MAST4: variants seen among roughly 807,000 people sequenced by gnomAD.
MAST4 encodes the protein microtubule-associated serine/threonine-protein kinase 4.
In MAST4, 89 loss-of-function variants were observed where a neutral mutation model predicts 162.7. The ratio of observed to expected loss-of-function variants is 0.55; its 90% CI spans 0.46 to 0.65. The LOEUF (loss-of-function observed/expected upper bound fraction) is 0.65. Ranked by LOEUF, MAST4 falls within the 30% of genes least tolerant of loss-of-function variation. The probability of loss-of-function intolerance (pLI) is 0.00; values close to 1 mark genes in which losing one functional copy is unlikely to be tolerated. For missense variants in MAST4, 3,153 were observed against 3,374.0 expected (o/e 0.93, Z 1.62); for synonymous variants, 1,479 against 1,361.1 (o/e 1.09, Z -1.91).
At chr5:66,670,308 T>C (rs1747527120) in intron 1 of MAST4, among the ~76,000 whole-genome samples, 1 of 152,180 alleles carries the variant, frequency 6.6e-6, no homozygotes, top group Admixed American at 6.5e-5. Flanking sequence ...CACTCCTTCA[T>C]TGTGTATGGG....
At chr5:66,812,184 C>T (rs1430401166) in intron 3 of MAST4, among the ~76,000 whole-genome samples, 6 of 152,076 alleles carry the variant, frequency 3.9e-5, no homozygotes, top group South Asian at 2.1e-4. Context: ...CAGAGCTGAC[C>T]GCTGAGCCAC....
chr5:66,721,645 T>C (rs182765027), intron 1 of MAST4, among the ~76,000 whole-genome samples: 19 of 150,480 alleles, frequency 1.3e-4, no homozygotes, highest in Admixed American at 9.4e-4. Context: ...CCTATAAACT[T>C]ATAGCTCCCG....
chr5:66,629,578 A>G (rs1028904300), intron 1 of MAST4, among the ~76,000 whole-genome samples: 5 of 152,140 alleles, frequency 3.3e-5, no homozygotes, highest in African/African-American at 9.7e-5. Context: ...AGTGTGTTTT[A>G]CCACATTTAT....
intron 4 of MAST4, among the ~76,000 whole-genome samples, chr5:66,914,437 G>A (rs962344241): frequency 3.3e-5 from 5 of 152,138 alleles, no homozygotes; most frequent in African/African-American, 1.2e-4. Context: ...TAGTTGGGTG[G>A]GTGGTTCAGG....
intron 4 of MAST4, among the ~76,000 whole-genome samples, chr5:66,989,709 AT>A (rs1219606901): frequency 2.0e-5 from 3 of 152,044 alleles, no homozygotes; most frequent in East Asian, 1.9e-4. Flanking sequence ...ACTAAGCAAA[AT>A]TTTTTTTCAA....
At chr5:66,654,431 A>G (rs1192311370) in intron 1 of MAST4, among the ~76,000 whole-genome samples, 1 of 152,178 alleles carries the variant, frequency 6.6e-6, no homozygotes, top group African/African-American at 2.4e-5. Flanking sequence ...CCAGAGGTAG[A>G]GATGGAGTGG....
intron 1 of MAST4, among the ~76,000 whole-genome samples, chr5:66,701,151 C>T (rs1374285495): frequency 2.0e-5 from 3 of 152,140 alleles, no homozygotes; most frequent in Non-Finnish European, 4.4e-5. Context: ...CATGTTTCAA[C>T]AAATCATGAT....
intron 3 of MAST4, among the ~76,000 whole-genome samples, chr5:66,860,983 C>A (rs532870153): frequency 1.3e-5 from 2 of 152,102 alleles, no homozygotes; most frequent in South Asian, 2.1e-4. Flanking sequence ...GTCTGGTGCT[C>A]GGAAGGCCAG....
intron 4 of MAST4, chr5:66,963,810 C>T (rs748046411): frequency 1.3e-6 from 1 of 779,254 alleles, no homozygotes; most frequent in Non-Finnish European, 2.4e-6. Flanking sequence ...CAGGGCCTGC[C>T]CAGGGCTGCT....
chr5:66,732,777 A>C lies in MAST4; in HGVS notation c.364-26932A>C, dbSNP rs1751933271. Among the ~76,000 whole-genome samples the C allele has an allele frequency of 1.3e-5, 2 of 152,182 alleles. 1 individual carries two copies. The highest frequency in any genetic ancestry group is 4.1e-4 in the South Asian group (2 of 4,834). On this transcript the variant is annotated intron_variant, in intron 1 of 28. Coordinates refer to ENST00000403625, the MANE Select transcript of MAST4 (RefSeq NM_001164664.2). ...GTCTATTCTACCTCATGAGGAAAAT[A>C]AGTAGATTGGATGAGATCCATGTGG...
chr5:66,759,708 G>A lies in MAST4; in HGVS notation c.364-1G>A. On this transcript the variant is annotated splice_acceptor_variant, in intron 1 of 28. Coordinates refer to ENST00000403625, the MANE Select transcript of MAST4 (RefSeq NM_001164664.2). LOFTEE classifies it high-confidence loss of function. ...TGATGCCATTCTTCCTCTTTCTGCA[G>A]CTTGACCACATATTATCCCCTCCAC... 6.2e-7 allele frequency: 1 copy of A among 1,613,714 alleles called. No homozygotes were observed. Among genetic ancestry groups the A allele is most frequent in the Non-Finnish European group, 8.5e-7 (1 of 1,179,712 alleles).
intron 2 of MAST4, among the ~76,000 whole-genome samples, chr5:66,770,925 T>C (rs1191970280): frequency 6.6e-6 from 1 of 152,166 alleles, no homozygotes; most frequent in Non-Finnish European, 1.5e-5. Flanking sequence ...AAAGGTAACA[T>C]AGGCCTTCAA....
intron 5 of MAST4, among the ~76,000 whole-genome samples, chr5:67,080,886 T>C (rs1348205400): frequency 6.8e-6 from 1 of 147,442 alleles, no homozygotes; most frequent in African/African-American, 2.5e-5. Context: ...ATGAGTAAAG[T>C]TGATAGTGAA....
chr5:66,713,737 A>C (rs904807630), intron 1 of MAST4, among the ~76,000 whole-genome samples: 3 of 152,130 alleles, frequency 2.0e-5, no homozygotes, highest in African/African-American at 7.2e-5. Context: ...GTCAGTATTT[A>C]TCTCTTTCCG....
intron 3 of MAST4, among the ~76,000 whole-genome samples, chr5:66,869,877 A>G (rs1227013241): frequency 6.6e-6 from 1 of 152,028 alleles, no homozygotes; most frequent in Non-Finnish European, 1.5e-5. Context: ...GGTTGCTTTC[A>G]TCAACCTTTC....
chr5:67,056,904 T>C (rs1299317175), intron 5 of MAST4, among the ~76,000 whole-genome samples: 23 of 152,042 alleles, frequency 1.5e-4, no homozygotes, highest in Admixed American at 1.5e-3. Flanking sequence ...GGTTTCGCCC[T>C]GTTGGCCAGG....
At chr5:66,613,908 G>A (rs953304559) in intron 1 of MAST4, among the ~76,000 whole-genome samples, 1 of 151,376 alleles carries the variant, frequency 6.6e-6, no homozygotes, top group Admixed American at 6.6e-5. Context: ...TCCTCACAGG[G>A]TTAGTGGATG....
chr5:67,124,902 T>C, intron 14 of MAST4, among the ~76,000 whole-genome samples: 1 of 152,232 alleles, frequency 6.6e-6, no homozygotes, highest in East Asian at 1.9e-4. Flanking sequence ...CTTTGTCTTT[T>C]ATTCTTTCAT....
At chr5:66,698,735 C>T (rs1354650616) in intron 1 of MAST4, among the ~76,000 whole-genome samples, 1 of 152,098 alleles carries the variant, frequency 6.6e-6, no homozygotes, top group African/African-American at 2.4e-5. Context: ...CTTTTGCTTC[C>T]CCATCTCATA....
Sources: gnomAD v4.1 joint callset for allele counts (sites outside exome capture counted in the v4.1 genomes callset) on GRCh38, gnomAD v4.1.1 for gene constraint, MANE v1.5 for transcripts, NCBI Gene and HGNC (gene_info 2026-07-23, HGNC 2026-07-21) for gene names.